The following ATP10A variants were observed in gnomAD, a reference collection of about 807,000 sequenced individuals.
ATP10A encodes the protein phospholipid-transporting ATPase VA.
In ATP10A, 111 loss-of-function variants were observed where a neutral mutation model predicts 147.8. That is an observed-to-expected ratio of 0.75 (90% CI 0.64 to 0.88). ATP10A has a LOEUF of 0.88. Among genes scored for constraint, ATP10A ranks in the 40% least tolerant of loss-of-function variants. The pLI is 0.00. For missense variants in ATP10A, 1,927 were observed against 1,959.0 expected, an observed-to-expected ratio of 0.98 and a Z score of 0.31; for synonymous variants, 875 against 841.6, an observed-to-expected ratio of 1.04 and a Z score of -0.69.
chr15:25,711,784 C>A (rs1567321730), intron 10 of ATP10A, among the ~76,000 whole-genome samples: 1 of 152,166 alleles, frequency 6.6e-6, no homozygotes, highest in Non-Finnish European at 1.5e-5. Context: ...TTCCTGAGAC[C>A]CAGAGCAAAG....
chr15:25,851,742 G>A lies in ATP10A; in HGVS notation c.449+10906C>T, dbSNP rs190430490. On this transcript the variant is annotated intron_variant, in intron 1 of 20. Transcript: ENST00000555815. ...TCATGGTACAAGTATACAGCTAAAT[G>A]ACACCTAAAATTCTTTGGGCTTGGA... 9.1e-4 allele frequency among the ~76,000 whole-genome samples: 138 copies of A among 152,118 alleles called. 1 individual carries two copies. Among genetic ancestry groups the A allele is most frequent in the African/African-American group, 3.3e-3 (135 of 41,476 alleles).
intron 1 of ATP10A, among the ~76,000 whole-genome samples, chr15:25,793,690 CCTTT>C (rs2140754408): frequency 6.6e-6 from 1 of 152,358 alleles, no homozygotes; most frequent in East Asian, 1.9e-4. Flanking sequence ...ATGGCAGATC[CCTTT>C]CTTAGAAAAG....
intron 2 of ATP10A, among the ~76,000 whole-genome samples, chr15:25,765,928 T>C (rs1888996232): frequency 6.6e-6 from 1 of 152,200 alleles, no homozygotes; most frequent in South Asian, 2.1e-4. Flanking sequence ...GAAGGACCTC[T>C]GACATCATTC....
intron 1 of ATP10A, among the ~76,000 whole-genome samples, chr15:25,860,108 G>A (rs890565612): frequency 2.0e-5 from 3 of 152,138 alleles, no homozygotes; most frequent in Admixed American, 2.0e-4. Flanking sequence ...TGGCTGCTCT[G>A]TGCTGTCTGG....
intron 6 of ATP10A, among the ~76,000 whole-genome samples, chr15:25,722,646 C>T (rs1902314903): frequency 6.6e-6 from 1 of 152,108 alleles, no homozygotes; most frequent in Non-Finnish European, 1.5e-5. Flanking sequence ...AGTCCTAACT[C>T]GAGGCTAGAA....
intron 12 of ATP10A, among the ~76,000 whole-genome samples, chr15:25,702,675 C>G (rs1348946685): frequency 6.6e-6 from 1 of 151,892 alleles, no homozygotes; most frequent in Non-Finnish European, 1.5e-5. Context: ...AGTTGAGAGG[C>G]AGGTTTTGCC....
At chr15:25,705,453 AC>A (rs1900925766) in intron 12 of ATP10A, among the ~76,000 whole-genome samples, 13 of 52,802 alleles carry the variant, frequency 2.5e-4, no homozygotes, top group East Asian at 1.3e-3. Flanking sequence ...AAAAAAAAAA[AC>A]AAAAAAAAAA....
chr15:25,679,981 A>G lies in ATP10A; in HGVS notation c.3867-7T>C, dbSNP rs1282011034. 6.3e-6 allele frequency: 10 copies of G among 1,590,044 alleles called. No individual in the cohort carries two copies. The highest frequency in any genetic ancestry group is 1.4e-5 in the African/African-American group (1 of 74,036). ...GAGGGATCTGAAAAACAATCTAGAAAAAGTACATTAAAACAAAAAGTTAGA... is the reference window on the plus strand; with the variant it reads ...GAGGGATCTGAAAAACAATCTAGAAGAAGTACATTAAAACAAAAAGTTAGA... On this transcript the variant is annotated splice_region_variant and splice_polypyrimidine_tract_variant and intron_variant, in intron 20 of 20. Transcript: ENST00000555815.
intron 2 of ATP10A, among the ~76,000 whole-genome samples, chr15:25,755,360 C>T (rs564887871): frequency 6.6e-6 from 1 of 152,248 alleles, no homozygotes; most frequent in Non-Finnish European, 1.5e-5. Flanking sequence ...GGGCACACTG[C>T]TATTTTTTGA....
chr15:25,822,332 A>G lies in ATP10A; in HGVS notation c.449+40316T>C, dbSNP rs182157564. Among the ~76,000 whole-genome samples the G allele has an allele frequency of 2.3e-3, 351 of 152,310 alleles. 3 individuals carry two copies. The highest frequency in any genetic ancestry group is 8.1e-3 in the African/African-American group (336 of 41,552). Reference sequence around the variant, plus strand: ...TTCGGTAGTACTTCTGAAAACACAAATAATGGTAAATAATAACCTATGTTT... The same window carrying G: ...TTCGGTAGTACTTCTGAAAACACAAGTAATGGTAAATAATAACCTATGTTT... On this transcript the variant is annotated intron_variant, in intron 1 of 20. Coordinates refer to ENST00000555815, the MANE Select transcript of ATP10A (RefSeq NM_024490.4).
chr15:25,725,587 G>A (rs1902492942), intron 5 of ATP10A, among the ~76,000 whole-genome samples: 2 of 151,758 alleles, frequency 1.3e-5, no homozygotes, highest in Non-Finnish European at 2.9e-5. Context: ...AGGTTTGCAT[G>A]TCTGGGGGCA....
chr15:25,786,014 G>A (rs994667014), intron 1 of ATP10A, among the ~76,000 whole-genome samples: 1 of 152,242 alleles, frequency 6.6e-6, no homozygotes, highest in Non-Finnish European at 1.5e-5. Flanking sequence ...GGGGTCTTAA[G>A]CACAGAGGTG....
intron 3 of ATP10A, among the ~76,000 whole-genome samples, chr15:25,729,798 A>C (rs1490470575): frequency 1.3e-5 from 2 of 152,164 alleles, no homozygotes; most frequent in East Asian, 3.9e-4. Flanking sequence ...CCCCCCACCC[A>C]GGCCAGCCGG....
chr15:25,718,248 C>T lies in ATP10A; in HGVS notation c.1515G>A (p.Thr505=), dbSNP rs773764077. ...CCCTCTTGGCCTCGGCCCGGCTGCC[C>T]GTGCGCCGGTGGGACTTGGTGCTCT... ...RTQSTKSHRR[T]GSRAEAKRAS... The change falls in exon 8 of 21, where the codon ACG becomes ACA. Residue 505 remains threonine (T), a synonymous_variant. Transcript: ENST00000555815. The T allele has an allele frequency of 3.7e-6, 6 of 1,612,810 alleles. No individual in the cohort carries two copies. Among genetic ancestry groups the T allele is most frequent in the African/African-American group, 1.3e-5 (1 of 74,936 alleles).
intron 2 of ATP10A, among the ~76,000 whole-genome samples, chr15:25,759,514 G>A (rs1888638640): frequency 6.6e-6 from 1 of 152,130 alleles, no homozygotes; most frequent in Non-Finnish European, 1.5e-5. Flanking sequence ...GCCCTTAATA[G>A]AAAACTGTGG....
At chr15:25,687,503 T>C (rs1263308585) in intron 16 of ATP10A, among the ~76,000 whole-genome samples, 200 bp downstream of exon 16, 1 of 151,668 alleles carries the variant, frequency 6.6e-6, no homozygotes, top group African/African-American at 2.4e-5. Context: ...ATGCAGCTGC[T>C]CTCATGCCCC....
intron 15 of ATP10A, among the ~76,000 whole-genome samples, chr15:25,690,439 C>T (rs1899962500): frequency 1.3e-5 from 2 of 152,138 alleles, no homozygotes; most frequent in Admixed American, 6.5e-5. Flanking sequence ...TGGGGTTTCA[C>T]CACATTGCCC....
intron 2 of ATP10A, among the ~76,000 whole-genome samples, chr15:25,770,712 C>G (rs936760954): frequency 6.6e-6 from 1 of 152,152 alleles, no homozygotes; most frequent in African/African-American, 2.4e-5. Flanking sequence ...ACTCATCATC[C>G]AACGCCCCAG....
chr15:25,843,599 G>C (rs1356047397), intron 1 of ATP10A, among the ~76,000 whole-genome samples: 1 of 152,138 alleles, frequency 6.6e-6, no homozygotes, highest in Non-Finnish European at 1.5e-5. Flanking sequence ...ACACCTATGA[G>C]TGAATACAGC....
Sources: gnomAD v4.1 joint callset for allele counts (sites outside exome capture counted in the v4.1 genomes callset) on GRCh38, gnomAD v4.1.1 for gene constraint, MANE v1.5 for transcripts, NCBI Gene and HGNC (gene_info 2026-07-23, HGNC 2026-07-21) for gene names.